THSD7B: variants seen among roughly 807,000 people sequenced by gnomAD.
THSD7B encodes the protein thrombospondin type 1 domain containing 7B.
Under a neutral mutation model 213.6 loss-of-function variants are expected in THSD7B, and 138 were observed. The observed-to-expected ratio is 0.65, with a 90% CI of 0.56 to 0.74. THSD7B has a LOEUF of 0.74. THSD7B is among the 30% of genes least tolerant of loss of function. THSD7B has a pLI of 0.00. For missense variants in THSD7B, 1,931 were observed against 1,991.5 expected (o/e 0.97, Z 0.58); for synonymous variants, 742 against 687.0 (o/e 1.08, Z -1.25).
chr2:137,568,134 T>C (rs1681278985), intron 16 of THSD7B, among the ~76,000 whole-genome samples: 1 of 152,118 alleles, frequency 6.6e-6, no homozygotes, highest in Admixed American at 6.6e-5. Context: ...GTTGATGATC[T>C]CACTAAGAGG....
intron 15 of THSD7B, among the ~76,000 whole-genome samples, chr2:137,528,533 A>C (rs1054281345): frequency 6.6e-6 from 1 of 152,128 alleles, no homozygotes; most frequent in African/African-American, 2.4e-5. Context: ...TACAATCTTG[A>C]TTTATGCAAA....
intron 15 of THSD7B, among the ~76,000 whole-genome samples, chr2:137,539,309 G>A (rs1486059353): frequency 1.3e-5 from 2 of 151,530 alleles, no homozygotes; most frequent in East Asian, 1.9e-4. Context: ...GGTTTTGCAA[G>A]GACTAAGAAA....
At chr2:136,792,702 A>T (rs1212866962) in intron 1 of THSD7B, among the ~76,000 whole-genome samples, 4 of 151,988 alleles carry the variant, frequency 2.6e-5, no homozygotes, top group Non-Finnish European at 5.9e-5. Context: ...TTCCTCTGGG[A>T]TTATTTTCCC....
Position 137,642,642 on chromosome 2 carries a change from T to C in THSD7B, c.3945+9T>C. The C allele has an allele frequency of 6.2e-7, 1 of 1,612,912 alleles. No individual in the cohort carries two copies. The highest frequency in any genetic ancestry group is 1.3e-5 in the African/African-American group (1 of 74,962). The stretch of plus-strand genomic sequence containing the variant: ...CTGCATGTAAATTGGAGGTAGGTCA[T>C]GTAATGACAGTTAGAGAAATATTCA... On this transcript the variant is annotated intron_variant, in intron 21 of 27. Transcript: ENST00000409968.
At chr2:136,995,328 G>T (rs907136532) in intron 2 of THSD7B, among the ~76,000 whole-genome samples, 3 of 144,550 alleles carry the variant, frequency 2.1e-5, no homozygotes, top group Non-Finnish European at 4.5e-5. Context: ...CAGTAGGGAA[G>T]CCTAGGATCA....
At chr2:137,186,472 T>C (rs1341315328) in intron 7 of THSD7B, among the ~76,000 whole-genome samples, 1 of 152,174 alleles carries the variant, frequency 6.6e-6, no homozygotes, top group African/African-American at 2.4e-5. Context: ...GCACCATTTA[T>C]GGAATAGGGA....
chr2:137,611,988 T>A (rs1682298037), intron 17 of THSD7B, among the ~76,000 whole-genome samples: 1 of 152,214 alleles, frequency 6.6e-6, no homozygotes. Context: ...AAAATGAGTG[T>A]AAATCTTAAT....
At chr2:137,606,623 G>T (rs1682183334) in intron 17 of THSD7B, among the ~76,000 whole-genome samples, 3 of 152,118 alleles carry the variant, frequency 2.0e-5, no homozygotes, top group African/African-American at 7.2e-5. Flanking sequence ...TGCTGGCAGA[G>T]ACTGGAATTT....
intron 1 of THSD7B, among the ~76,000 whole-genome samples, chr2:136,786,221 A>G (rs764459560): frequency 2.6e-5 from 4 of 152,164 alleles, no homozygotes; most frequent in Non-Finnish European, 4.4e-5. Context: ...ACTTTAGTGT[A>G]TATTCACTTT....
chr2:136,954,436 G>A (rs1393726241), intron 2 of THSD7B, among the ~76,000 whole-genome samples: 1 of 152,164 alleles, frequency 6.6e-6, no homozygotes, highest in Non-Finnish European at 1.5e-5. Flanking sequence ...AGAAATTACG[G>A]CCGGGCGCGG....
chr2:137,366,757 GTAAT>G (rs1685417793), intron 12 of THSD7B, among the ~76,000 whole-genome samples: 1 of 152,062 alleles, frequency 6.6e-6, no homozygotes, highest in African/African-American at 2.4e-5. Context: ...GAGGACTTAT[GTAAT>G]TAAAGTAAAA....
Position 137,241,463 on chromosome 2 carries a change from T to C in THSD7B, c.2151-994T>C, listed in dbSNP as rs1327256805. 3.3e-5 allele frequency among the ~76,000 whole-genome samples: 5 copies of C among 152,348 alleles called. No individual in the cohort carries two copies. The South Asian group carries it at 6.2e-4, about 19-fold the overall frequency. On this transcript the variant is annotated intron_variant, in intron 9 of 27. Coordinates refer to ENST00000409968, the MANE Select transcript of THSD7B (RefSeq NM_001316349.2). ...TAATTGTGACTCCATTAACTATTTA[T>C]ATTACTTTCTTCCCAAGTCTGGGCA...
chr2:136,910,660 C>T lies in THSD7B; in HGVS notation c.139+28343C>T, dbSNP rs533051672. On this transcript the variant is annotated intron_variant, in intron 2 of 27. Transcript: ENST00000409968. ...AAGTGCTTTGCATACGTGAACAATT[C>T]AGGAGTTATGAATGTGGATTCTGGA... 3.3e-5 allele frequency among the ~76,000 whole-genome samples: 5 copies of T among 152,182 alleles called. No homozygotes were observed. In the East Asian group the frequency reaches 9.6e-4, roughly 29 times the overall value.
At chr2:136,887,876 C>T (rs534373166) in intron 2 of THSD7B, among the ~76,000 whole-genome samples, 1 of 152,082 alleles carries the variant, frequency 6.6e-6, no homozygotes, top group Non-Finnish European at 1.5e-5. Flanking sequence ...GTTGTTTAAC[C>T]TCTCTGAGCC....
At chr2:137,619,135 C>T (rs907603941) in intron 19 of THSD7B, among the ~76,000 whole-genome samples, 1 of 152,002 alleles carries the variant, frequency 6.6e-6, no homozygotes, top group African/African-American at 2.4e-5. Context: ...TTCTTGCCAA[C>T]ATATAAATGA....
chr2:137,640,121 T>C (rs934726621), intron 20 of THSD7B, among the ~76,000 whole-genome samples: 1 of 152,084 alleles, frequency 6.6e-6, no homozygotes, highest in Non-Finnish European at 1.5e-5. Context: ...GAATTGTATC[T>C]CCAGAATTCC....
intron 7 of THSD7B, among the ~76,000 whole-genome samples, chr2:137,199,900 G>A (rs1451554681): frequency 1.3e-5 from 2 of 152,128 alleles, no homozygotes; most frequent in South Asian, 2.1e-4. Flanking sequence ...CAGGTGGCTA[G>A]AATGATTAAT....
intron 12 of THSD7B, among the ~76,000 whole-genome samples, chr2:137,295,479 TTTTG>T (rs1683439890): frequency 6.6e-6 from 1 of 152,096 alleles, no homozygotes; most frequent in African/African-American, 2.4e-5. Flanking sequence ...AAAAAATCTT[TTTTG>T]TTTTTGTTTT....
intron 2 of THSD7B, among the ~76,000 whole-genome samples, chr2:136,903,631 C>T (rs1344862299): frequency 1.3e-5 from 2 of 152,112 alleles, no homozygotes; most frequent in Non-Finnish European, 2.9e-5. Flanking sequence ...CAGGCCAGCA[C>T]CACACCTCAC....
Sources: allele counts gnomAD v4.1 joint callset (sites outside exome capture counted in the v4.1 genomes callset), GRCh38; gene constraint gnomAD v4.1.1; transcripts MANE v1.5; gene names NCBI Gene and HGNC (gene_info 2026-07-23, HGNC 2026-07-21).